The following METTL3 variants were observed in gnomAD, a reference collection of about 807,000 sequenced individuals.
METTL3 encodes methyltransferase 3, N6-adenosine-methyltransferase complex catalytic subunit, also known as N(6)-adenosine-methyltransferase catalytic subunit METTL3.
METTL3 carries 42 observed loss-of-function variants against 64.3 expected under a neutral mutation model. That is an observed-to-expected ratio of 0.65 (90% CI 0.51 to 0.84). METTL3 has a LOEUF of 0.84. Ranked by LOEUF, METTL3 falls within the 40% of genes least tolerant of loss-of-function variation. METTL3 has a pLI of 0.00. For missense variants in METTL3, 435 were observed against 722.3 expected (o/e 0.60, Z 4.56); for synonymous variants, 256 against 263.6 (o/e 0.97, Z 0.28).
intron 5 of METTL3, 78 bp downstream of exon 5, chr14:21,500,835 C>A: frequency 6.8e-7 from 1 of 1,470,852 alleles, no homozygotes; most frequent in South Asian, 1.3e-5. Context: ...GAATTATGCT[C>A]TGCTTTCTTA....
chr14:21,502,093 G>T (rs1891583899), intron 3 of METTL3, among the ~76,000 whole-genome samples, 190 bp from the exon 4 acceptor site: 1 of 142,216 alleles, frequency 7.0e-6, no homozygotes, highest in Non-Finnish European at 1.5e-5. Context: ...ATAACTCACT[G>T]TTTCTCCCAC....
At chr14:21,504,128 A>G (rs1187230587) in intron 1 of METTL3, 2 of 479,842 alleles carry the variant, frequency 4.2e-6, no homozygotes, top group African/African-American at 1.9e-5. Context: ...CTAATTCCCT[A>G]TCCTTGCTGT....
At chr14:21,499,890 CTT>C in intron 6 of METTL3, 88 bp from the exon 7 acceptor site, 1 of 1,224,488 alleles carries the variant, frequency 8.2e-7, no homozygotes, top group Non-Finnish European at 1.2e-6. Context: ...ACTATAAACA[CTT>C]TTTCAGTAGA....
At chr14:21,506,849 C>G (rs1434456075) in intron 1 of METTL3, among the ~76,000 whole-genome samples, 2 of 152,150 alleles carry the variant, frequency 1.3e-5, no homozygotes, top group African/African-American at 4.8e-5. Flanking sequence ...TGGCAAAACC[C>G]TGTTGGGCGT....
chr14:21,502,678 C>A, intron 3 of METTL3: 1 of 156,798 alleles, frequency 6.4e-6, no homozygotes, highest in Non-Finnish European at 1.4e-5. Context: ...CTAGAAGTAC[C>A]AAACAGATAA....
intron 1 of METTL3, 22 bp from the exon 2 acceptor site, chr14:21,503,903 A>C (rs764846447): frequency 2.0e-5 from 32 of 1,609,280 alleles, no homozygotes; most frequent in Non-Finnish European, 2.6e-5. Context: ...GAGAAGTGAA[A>C]ATGAAAAAAG....
chr14:21,505,381 CT>C (rs1566494951), intron 1 of METTL3, among the ~76,000 whole-genome samples: 1 of 152,184 alleles, frequency 6.6e-6, no homozygotes, highest in Non-Finnish European at 1.5e-5. Flanking sequence ...TTGGTATTGA[CT>C]TTTCTCATTG....
chr14:21,503,879 G>A lies in METTL3; in HGVS notation c.103C>T (p.Leu35=). Reference sequence around the variant, plus strand: ...GACAATGCTGCCTCTGGATTCCGTAGATCTAAGAATGAAGAGAAGTGAAAA... The same window carrying A: ...GACAATGCTGCCTCTGGATTCCGTAAATCTAAGAATGAAGAGAAGTGAAAA... ...RRKQDSGHLD[L]RNPEAALSPT... is the part of the protein sequence containing the mutation. The change falls in exon 2 of 11, where the codon CTA becomes TTA. Residue 35 remains leucine, a splice_region_variant and synonymous_variant. Coordinates refer to ENST00000298717, the MANE Select transcript of METTL3 (RefSeq NM_019852.5). 1 of 1,613,638 alleles carries A rather than the reference G, an allele frequency of 6.2e-7. No individual in the cohort carries two copies. The highest frequency in any genetic ancestry group is 2.2e-5 in the East Asian group (1 of 44,882).
chr14:21,506,647 G>A (rs1475931281), intron 1 of METTL3, among the ~76,000 whole-genome samples: 2 of 152,152 alleles, frequency 1.3e-5, no homozygotes, highest in Non-Finnish European at 2.9e-5. Flanking sequence ...ATAGCCAAAA[G>A]GTAGAAGTAA....
chr14:21,502,513 G>T, intron 3 of METTL3: 1 of 153,772 alleles, frequency 6.5e-6, no homozygotes, highest in Admixed American at 6.4e-5. Context: ...CATATTTACT[G>T]GGTGCTGAAC....
Position 21,503,752 on chromosome 14 carries a change from T to G in METTL3, c.230A>C (p.Glu77Ala). The G allele has an allele frequency of 6.2e-7, 1 of 1,614,210 alleles. No homozygotes were observed. The change falls in exon 2 of 11, where the codon GAG becomes GCG. Residue 77 changes from glutamate to alanine, a missense_variant. By Grantham distance (107) the Glu-to-Ala change is moderately radical. Around this residue, in one of 9 missense-constraint regions of METTL3, gnomAD observed 228 missense variants for 279.6 expected, o/e 0.82. Coordinates refer to ENST00000298717, the MANE Select transcript of METTL3 (RefSeq NM_019852.5). ...GTGGTGTAGCAACTTCTTCTCTAAC[T>G]CAGGATCTGTAGCTAATTCAGGAAC... Reference protein sequence around the residue: ...SAVPELATDPELEKKLLHHLS... With the variant: ...SAVPELATDPALEKKLLHHLS...
chr14:21,499,293 G>T lies in METTL3; in HGVS notation c.1518+13C>A. 6.2e-7 allele frequency: 1 copy of T among 1,614,114 alleles called. No individual in the cohort carries two copies. The highest frequency in any genetic ancestry group is 8.5e-7 in the Non-Finnish European group (1 of 1,179,966). ...AAAAATGTGGAAGCTTTGGAGGCCT[G>T]GGAAGCACATACCTCAGCTACGATC... On this transcript the variant is annotated intron_variant, in intron 9 of 10. Transcript: ENST00000298717.
At position 21,498,253 on chromosome 14, in the gene METTL3, T is replaced by C; in HGVS notation, c.*5A>G. ...ATGGATTCTTAGCTCTGTAAGGAAG[T>C]GCTTCTATAAATTCTTAGGTTTAGA... On this transcript the variant is annotated 3_prime_UTR_variant, in exon 11 of 11. Coordinates refer to ENST00000298717, the MANE Select transcript of METTL3 (RefSeq NM_019852.5). 6.6e-7 allele frequency: 1 copy of C among 1,507,166 alleles called. No individual in the cohort carries two copies. The highest frequency in any genetic ancestry group is 9.2e-7 in the Non-Finnish European group (1 of 1,082,382). The allele number at this position is 1,507,166 out of a possible 1,614,324, so 93.4% of individuals were successfully genotyped here.
chr14:21,499,712 T>G (rs1891508175), intron 7 of METTL3, 52 bp downstream of exon 7: 1 of 1,585,684 alleles, frequency 6.3e-7, no homozygotes, highest in African/African-American at 1.3e-5. Context: ...AGAACATGTA[T>G]CTCACTGTAA....
chr14:21,503,012 T>A (rs577497310), intron 3 of METTL3, 161 bp downstream of exon 3: 2 of 791,712 alleles, frequency 2.5e-6, no homozygotes, highest in East Asian at 5.0e-5. Flanking sequence ...ACAATAAAAA[T>A]GTCTCCGGAC....
At position 21,503,692 on chromosome 14, in the gene METTL3, G is replaced by A. The variant is rs1230319336; in HGVS notation, c.290C>T (p.Ala97Val). 6.2e-7 allele frequency: 1 copy of A among 1,614,120 alleles called. No individual in the cohort carries two copies. The highest frequency in any genetic ancestry group is 1.3e-5 in the African/African-American group (1 of 74,942). The change falls in exon 2 of 11, where the codon GCT (alanine) becomes GTT (valine). Residue 97 changes from alanine (A) to valine (V), a missense_variant. Around this residue, in one of 9 missense-constraint regions of METTL3, gnomAD observed 228 missense variants for 279.6 expected, o/e 0.82. Coordinates refer to ENST00000298717, the MANE Select transcript of METTL3 (RefSeq NM_019852.5). ...SDLALTLPTD[A>V]VSICLAISTP... is the part of the protein sequence containing the mutation. ...GGAGATGGCAAGACAGATGGACACA[G>A]CATCAGTGGGCAATGTTAAGGCCAG...
intron 4 of METTL3, 168 bp from the exon 5 acceptor site, chr14:21,501,297 A>G (rs1317483605): frequency 9.8e-6 from 6 of 614,764 alleles, no homozygotes; most frequent in South Asian, 2.0e-5. Flanking sequence ...TCCATAATTC[A>G]TACTACAGAA....
chr14:21,498,206 T>G lies in METTL3; in HGVS notation c.*52A>C. On this transcript the variant is annotated 3_prime_UTR_variant, in exon 11 of 11. Coordinates refer to ENST00000298717, the MANE Select transcript of METTL3 (RefSeq NM_019852.5). ...TATTGTACAAATATCACTCTTCAGG[T>G]TTAGCTTACAGAGCCATGGCTATGG... The G allele has an allele frequency of 9.7e-7, 1 of 1,034,132 alleles. No homozygotes were observed. The highest frequency in any genetic ancestry group is 1.5e-6 in the Non-Finnish European group (1 of 654,902). The allele number at this position is 1,034,132 out of a possible 1,614,324, so 64.1% of individuals were successfully genotyped here. A position where few individuals can be genotyped will look rare whatever the true frequency, so the allele number is the denominator to read the frequency against.
At chr14:21,502,996 T>A (rs1891606534) in intron 3 of METTL3, 177 bp downstream of exon 3, 2 of 664,172 alleles carry the variant, frequency 3.0e-6, no homozygotes, top group Non-Finnish European at 2.4e-6. Flanking sequence ...CACTCCCCCA[T>A]GTGTGACAAT....
Sources: gnomAD v4.1 joint callset for allele counts (sites outside exome capture counted in the v4.1 genomes callset) on GRCh38, gnomAD v4.1.1 for gene constraint, gnomAD v4.1.1 regional missense constraint, MANE v1.5 for transcripts, NCBI Gene and HGNC (gene_info 2026-07-23, HGNC 2026-07-21) for gene names.